The following CDH13 variants were observed in gnomAD, a reference collection of about 807,000 sequenced individuals.
CDH13 encodes the protein cadherin-13.
A neutral mutation model predicts 63.8 loss-of-function variants in CDH13; 24 were observed. That is an observed-to-expected ratio of 0.38 (90% CI 0.27 to 0.53). CDH13 has a LOEUF of 0.53. CDH13 is among the 20% of genes least tolerant of loss of function. The pLI is 0.85. For missense variants in CDH13, 1,049 were observed against 903.1 expected (o/e 1.16, Z -2.07); for synonymous variants, 503 against 355.3 (o/e 1.42, Z -4.67).
In CDH13 at chr16:83,328,030, G is replaced by A. The variant is rs537168816; in HGVS notation, c.637-16832G>A. The stretch of plus-strand genomic sequence containing the variant: ...TGCCTGTAGTCCCAGCTACTCAGGA[G>A]GCTGGGGCAGGAGAATGGCGTGGAC... On this transcript the variant is annotated intron_variant, in intron 5 of 13. Coordinates refer to ENST00000567109, the MANE Select transcript of CDH13 (RefSeq NM_001257.5). 2.0e-5 allele frequency among the ~76,000 whole-genome samples: 3 copies of A among 152,150 alleles called. No individual in the cohort carries two copies. In the South Asian group the frequency reaches 6.2e-4, roughly 32 times the overall value.
chr16:82,974,271 G>T (rs556432107), intron 2 of CDH13, among the ~76,000 whole-genome samples: 1 of 152,034 alleles, frequency 6.6e-6, no homozygotes, highest in Non-Finnish European at 1.5e-5. Flanking sequence ...TTCATGTCAG[G>T]GTGCAAACAT....
chr16:83,359,314 T>C (rs1407298076), intron 6 of CDH13, among the ~76,000 whole-genome samples: 1 of 152,212 alleles, frequency 6.6e-6, no homozygotes, highest in Admixed American at 6.5e-5. Context: ...CTAATAACAA[T>C]GCCCCAAAAG....
chr16:82,867,146 G>A (rs2040178682), intron 2 of CDH13, among the ~76,000 whole-genome samples: 2 of 152,194 alleles, frequency 1.3e-5, no homozygotes, highest in Admixed American at 1.3e-4. Context: ...TTTTACAGGT[G>A]AGGACATTTA....
intron 2 of CDH13, among the ~76,000 whole-genome samples, chr16:82,981,090 G>A (rs1451955744): frequency 1.3e-5 from 2 of 152,118 alleles, no homozygotes; most frequent in Non-Finnish European, 2.9e-5. Context: ...ATTCTAGGTG[G>A]TTTCCAAAAG....
At chr16:82,813,267 G>T (rs1263823693) in intron 1 of CDH13, among the ~76,000 whole-genome samples, 1 of 152,128 alleles carries the variant, frequency 6.6e-6, no homozygotes, top group East Asian at 1.9e-4. Context: ...TGTCATCCTT[G>T]GGGAAGGAGA....
At chr16:82,955,310 A>G (rs1905907904) in intron 2 of CDH13, among the ~76,000 whole-genome samples, 1 of 152,226 alleles carries the variant, frequency 6.6e-6, no homozygotes, top group African/African-American at 2.4e-5. Flanking sequence ...ACTTGCAGAC[A>G]TAGATTTCCA....
intron 7 of CDH13, among the ~76,000 whole-genome samples, chr16:83,506,221 G>A (rs904382200): frequency 2.0e-5 from 3 of 152,220 alleles, no homozygotes; most frequent in African/African-American, 7.2e-5. Flanking sequence ...GCTGGTCAGA[G>A]TGAAGAGTAT....
At chr16:82,717,395 C>T (rs1369198280) in intron 1 of CDH13, among the ~76,000 whole-genome samples, 1 of 148,490 alleles carries the variant, frequency 6.7e-6, no homozygotes, top group Non-Finnish European at 1.5e-5. Context: ...GAGATCACAC[C>T]ACTGCACTCC....
intron 5 of CDH13, among the ~76,000 whole-genome samples, chr16:83,251,221 A>G (rs1167965914): frequency 5.3e-5 from 8 of 152,176 alleles, no homozygotes; most frequent in African/African-American, 9.7e-5. Flanking sequence ...TCTGGGCACT[A>G]TTTCTTACAA....
intron 1 of CDH13, among the ~76,000 whole-genome samples, chr16:82,795,029 C>G (rs994553880): frequency 6.6e-5 from 10 of 152,150 alleles, no homozygotes; most frequent in Admixed American, 6.5e-4. Flanking sequence ...AGAAATGATA[C>G]CTTCCCTCCT....
At chr16:83,204,238 G>C (rs1260935990) in intron 4 of CDH13, among the ~76,000 whole-genome samples, 1 of 152,234 alleles carries the variant, frequency 6.6e-6, no homozygotes, top group African/African-American at 2.4e-5. Flanking sequence ...TATGGGTCAA[G>C]ACCATGGGCT....
intron 10 of CDH13, among the ~76,000 whole-genome samples, chr16:83,719,905 G>A (rs1216422041): frequency 6.6e-6 from 1 of 152,176 alleles, no homozygotes; most frequent in African/African-American, 2.4e-5. Flanking sequence ...AGGCACTGCA[G>A]CATAGGGGAC....
chr16:83,472,812 C>G (rs1378225185), intron 6 of CDH13, among the ~76,000 whole-genome samples: 2 of 152,144 alleles, frequency 1.3e-5, no homozygotes, highest in African/African-American at 2.4e-5. Flanking sequence ...TATTGAGCAC[C>G]TACTGTGTGG....
At chr16:82,798,740 C>G (rs1354595973) in intron 1 of CDH13, among the ~76,000 whole-genome samples, 1 of 152,114 alleles carries the variant, frequency 6.6e-6, no homozygotes, top group African/African-American at 2.4e-5. Context: ...CTGGGAAACA[C>G]ATGCCCCAGG....
At chr16:82,726,199 C>T (rs1477288040) in intron 1 of CDH13, among the ~76,000 whole-genome samples, 1 of 152,134 alleles carries the variant, frequency 6.6e-6, no homozygotes, top group African/African-American at 2.4e-5. Flanking sequence ...GTCAAATAGA[C>T]TGGTTGACTG....
chr16:83,026,989 C>T (rs1228148060), intron 2 of CDH13, among the ~76,000 whole-genome samples: 1 of 151,978 alleles, frequency 6.6e-6, no homozygotes, highest in Non-Finnish European at 1.5e-5. Flanking sequence ...CTGAGTTCTT[C>T]ATTTCCTTGT....
At chr16:82,711,682 A>AT (rs1472376007) in intron 1 of CDH13, among the ~76,000 whole-genome samples, 1 of 152,188 alleles carries the variant, frequency 6.6e-6, no homozygotes, top group Non-Finnish European at 1.5e-5. Context: ...GATCCAGCGT[A>AT]TAGTCACTTG....
chr16:83,554,845 T>C (rs2075572037), intron 7 of CDH13, among the ~76,000 whole-genome samples: 1 of 152,148 alleles, frequency 6.6e-6, no homozygotes, highest in African/African-American at 2.4e-5. Flanking sequence ...CATTTGTCTT[T>C]CTTTACCTCC....
chr16:83,488,870 C>T (rs1308329618), intron 7 of CDH13, among the ~76,000 whole-genome samples: 3 of 152,136 alleles, frequency 2.0e-5, no homozygotes, highest in African/African-American at 7.2e-5. Context: ...GGTGATCTGC[C>T]CACCTCGGCC....
Sources: allele counts gnomAD v4.1 joint callset (sites outside exome capture counted in the v4.1 genomes callset), GRCh38; gene constraint gnomAD v4.1.1; transcripts MANE v1.5; gene names NCBI Gene and HGNC (gene_info 2026-07-23, HGNC 2026-07-21).